SMIM31: variants seen among roughly 807,000 people sequenced by gnomAD.
SMIM31 encodes human epithelial cell program regulator.
Position 164,758,822 on chromosome 4 carries a change from T to C in SMIM31, c.-26+4411T>C, listed in dbSNP as rs1272898394. On this transcript the variant is annotated intron_variant, in intron 1 of 2. Coordinates refer to ENST00000507311, the MANE Select transcript of SMIM31 (RefSeq NM_001352885.1). ...CCAAATTTTTTTTTTTTTTTTTTTT[T>C]TTTTTTTTTTTTTTTTTTTGTATTT... Among the ~76,000 whole-genome samples, 24 of 110,108 alleles carry C rather than the reference T, an allele frequency of 2.2e-4. 1 individual carries two copies. In the East Asian group the frequency reaches 4.2e-3, roughly 19 times the overall value. The allele number at this position is 110,108 out of a possible 152,430, so 72.2% of individuals were successfully genotyped here. A position where few individuals can be genotyped will look rare whatever the true frequency, so the allele number is the denominator to read the frequency against.
chr4:164,783,630 C>T (rs1165783603), intron 2 of SMIM31, among the ~76,000 whole-genome samples: 1 of 150,668 alleles, frequency 6.6e-6, no homozygotes, highest in African/African-American at 2.5e-5. Context: ...AACATGTGAT[C>T]CATAAACTGG....
chr4:164,791,198 A>G (rs900335798), intron 2 of SMIM31, among the ~76,000 whole-genome samples: 1 of 152,188 alleles, frequency 6.6e-6, no homozygotes, highest in Non-Finnish European at 1.5e-5. Context: ...TAAATGTATT[A>G]CATTGAGTAG....
intron 2 of SMIM31, among the ~76,000 whole-genome samples, chr4:164,773,472 A>C (rs1732839499): frequency 6.6e-6 from 1 of 152,212 alleles, no homozygotes; most frequent in East Asian, 1.9e-4. Flanking sequence ...GGGGAAGCAA[A>C]CATGTCCTTC....
chr4:164,764,778 G>A (rs939226924), intron 1 of SMIM31, among the ~76,000 whole-genome samples: 57 of 152,210 alleles, frequency 3.7e-4, no homozygotes, highest in African/African-American at 1.3e-3. Context: ...GAAAGCCCAG[G>A]CAACATGACA....
At chr4:164,774,294 T>G (rs1046738007) in intron 2 of SMIM31, among the ~76,000 whole-genome samples, 4 of 152,048 alleles carry the variant, frequency 2.6e-5, no homozygotes, top group African/African-American at 9.7e-5. Context: ...ATACAATACA[T>G]TCCACACAAA....
intron 1 of SMIM31, among the ~76,000 whole-genome samples, chr4:164,766,494 G>A (rs552857769): frequency 1.3e-5 from 2 of 151,732 alleles, no homozygotes; most frequent in Non-Finnish European, 2.9e-5. Flanking sequence ...GGGAAAGACA[G>A]ACAAACAATA....
intron 2 of SMIM31, among the ~76,000 whole-genome samples, chr4:164,782,464 C>T (rs1206660794): frequency 2.1e-4 from 31 of 147,206 alleles, no homozygotes; most frequent in African/African-American, 4.4e-4. Context: ...CTGCAAGCTC[C>T]GCTTCCCAGG....
chr4:164,779,309 C>A (rs758104185), intron 2 of SMIM31, among the ~76,000 whole-genome samples: 1 of 152,080 alleles, frequency 6.6e-6, no homozygotes, highest in Admixed American at 6.5e-5. Context: ...CATAGTTCTG[C>A]GGGTGCCAAA....
chr4:164,780,805 CT>C (rs1013708224), intron 2 of SMIM31, among the ~76,000 whole-genome samples: 7 of 152,214 alleles, frequency 4.6e-5, no homozygotes, highest in African/African-American at 1.7e-4. Context: ...ATATATACTA[CT>C]TTTTTTAATT....
At chr4:164,788,137 T>G (rs1332940290) in intron 2 of SMIM31, among the ~76,000 whole-genome samples, 1 of 152,174 alleles carries the variant, frequency 6.6e-6, no homozygotes, top group African/African-American at 2.4e-5. Flanking sequence ...CAGCAATCCA[T>G]TGAACCCACT....
chr4:164,776,330 T>C (rs906420269), intron 2 of SMIM31, among the ~76,000 whole-genome samples: 21 of 152,252 alleles, frequency 1.4e-4, no homozygotes, highest in Middle Eastern at 3.4e-3. Flanking sequence ...TGAACTAGAG[T>C]TCCATGATTT....
chr4:164,794,028 T>C (rs1418963908), intron 2 of SMIM31, among the ~76,000 whole-genome samples: 1 of 152,036 alleles, frequency 6.6e-6, no homozygotes, highest in Non-Finnish European at 1.5e-5. Flanking sequence ...AAATAAATGA[T>C]ATAAACTACA....
chr4:164,757,449 G>T (rs1181378309), intron 1 of SMIM31, among the ~76,000 whole-genome samples: 1 of 151,582 alleles, frequency 6.6e-6, no homozygotes, highest in African/African-American at 2.4e-5. Flanking sequence ...ATTTTTGTTT[G>T]GCTATTAATT....
At position 164,801,125 on chromosome 4, in the gene SMIM31, A is replaced by G. The variant is rs1733278575; in HGVS notation, c.147A>G (p.Lys49=). The G allele has an allele frequency of 2.5e-6, 1 of 399,014 alleles. No homozygotes were observed. The highest frequency in any genetic ancestry group is 4.4e-6 in the Non-Finnish European group (1 of 226,040). 24.7% of individuals were successfully genotyped at this position (399,014 alleles called of 1,614,324 possible). ...EEHEKKGREK[K]RKKSEKKKNC... ...ATGAAAAAAAGGGAAGGGAAAAGAA[A>G]AGGAAAAAGTCTGAAAAGAAGAAAA... The change falls in exon 3 of 3, where the codon AAA becomes AAG. Residue 49 remains lysine (K), a synonymous_variant. Transcript: ENST00000507311.
chr4:164,797,549 G>A (rs116386659), intron 2 of SMIM31, among the ~76,000 whole-genome samples: 2,965 of 146,612 alleles, frequency 0.02, 75 homozygotes, highest in African/African-American at 0.062. Flanking sequence ...CTGAAACATC[G>A]GTCTCCCAGG....
chr4:164,798,962 G>A (rs1369093630), intron 2 of SMIM31, among the ~76,000 whole-genome samples: 1 of 152,156 alleles, frequency 6.6e-6, no homozygotes, highest in Non-Finnish European at 1.5e-5. Flanking sequence ...ACCATGTGAA[G>A]TGTCTGCTCC....
intron 2 of SMIM31, among the ~76,000 whole-genome samples, chr4:164,788,547 T>C (rs866937539): frequency 1.5e-5 from 2 of 129,156 alleles, no homozygotes; most frequent in South Asian, 5.4e-4. Context: ...TGGAGTGCAA[T>C]GGCGCAATCT....
chr4:164,783,002 G>A (rs1309264269), intron 2 of SMIM31, among the ~76,000 whole-genome samples: 3 of 150,804 alleles, frequency 2.0e-5, no homozygotes, highest in Non-Finnish European at 4.4e-5. Context: ...GGCGGATCAC[G>A]AGGTCAGGAG....
At chr4:164,774,058 C>T (rs201779825) in intron 2 of SMIM31, among the ~76,000 whole-genome samples, 1 of 150,842 alleles carries the variant, frequency 6.6e-6, no homozygotes, top group Admixed American at 6.7e-5. Context: ...CCCAGCTACT[C>T]GGGAGGCTGA....
Sources: gnomAD v4.1 joint callset for allele counts (sites outside exome capture counted in the v4.1 genomes callset) on GRCh38, gnomAD v4.1.1 for gene constraint, MANE v1.5 for transcripts, NCBI Gene and HGNC (gene_info 2026-07-23, HGNC 2026-07-21) for gene names.